ADAMTSL1: variants seen among roughly 807,000 people sequenced by gnomAD.
The protein encoded by ADAMTSL1 is ADAMTS like 1.
In ADAMTSL1, 126 loss-of-function variants were observed where a neutral mutation model predicts 201.8. The ratio of observed to expected loss-of-function variants is 0.62; its 90% CI spans 0.54 to 0.72. The LOEUF is 0.72. ADAMTSL1 is among the 30% of genes least tolerant of loss of function. The pLI is 0.00. For synonymous variants in ADAMTSL1, 1,121 were observed against 903.4 expected (o/e 1.24, Z -4.32); for missense variants, 2,679 against 2,277.8 (o/e 1.18, Z -3.59).
At chr9:18,122,858 C>G (rs1825562135) in intron 1 of ADAMTSL1, among the ~76,000 whole-genome samples, 2 of 152,028 alleles carry the variant, frequency 1.3e-5, no homozygotes. Flanking sequence ...CCCACCTCAG[C>G]CTCTTGAGTA....
chr9:18,292,273 G>A (rs752405979), intron 2 of ADAMTSL1, among the ~76,000 whole-genome samples: 3 of 152,124 alleles, frequency 2.0e-5, no homozygotes, highest in South Asian at 4.1e-4. Flanking sequence ...AGCAGGAGAG[G>A]TGAACAGCAG....
intron 2 of ADAMTSL1, among the ~76,000 whole-genome samples, chr9:18,447,959 A>T (rs1820259366): frequency 6.6e-6 from 1 of 152,192 alleles, no homozygotes; most frequent in Non-Finnish European, 1.5e-5. Context: ...CAAAGCTTTG[A>T]AAACTTTGGA....
In ADAMTSL1 at chr9:18,282,409, T is replaced by A. The variant is rs184565593; in HGVS notation, c.207+118428T>A. 1.1e-4 allele frequency among the ~76,000 whole-genome samples: 16 copies of A among 152,370 alleles called. No individual in the cohort carries two copies. The East Asian group carries it at 3.1e-3, about 29-fold the overall frequency. On this transcript the variant is annotated intron_variant, in intron 2 of 29. Coordinates refer to the ADAMTSL1 transcript ENST00000680146. ...GAGGTATCTTCTTTATATCATGATT[T>A]ATTTTCGTTTGCTATTCATGGGTTA...
intron 1 of ADAMTSL1, among the ~76,000 whole-genome samples, chr9:18,138,348 C>T (rs763809964): frequency 6.6e-6 from 1 of 152,088 alleles, no homozygotes; most frequent in African/African-American, 2.4e-5. Context: ...ATAGATATCT[C>T]CCCAATTATC....
intron 2 of ADAMTSL1, among the ~76,000 whole-genome samples, chr9:18,532,488 T>C (rs1213405412): frequency 6.6e-6 from 1 of 152,058 alleles, no homozygotes; most frequent in Admixed American, 6.6e-5. Context: ...AGAATAATTA[T>C]GGAAAAAATT....
intron 1 of ADAMTSL1, among the ~76,000 whole-genome samples, chr9:17,933,187 T>TG (rs1301698107): frequency 2.6e-5 from 4 of 152,156 alleles, no homozygotes; most frequent in Non-Finnish European, 5.9e-5. Context: ...GAAGGATCTG[T>TG]TCCTTGCTGC....
intron 1 of ADAMTSL1, among the ~76,000 whole-genome samples, chr9:18,095,158 A>G (rs1312019764): frequency 2.0e-5 from 3 of 152,182 alleles, no homozygotes; most frequent in African/African-American, 7.2e-5. Context: ...ATCATAATCT[A>G]TCTTTTAACA....
intron 1 of ADAMTSL1, among the ~76,000 whole-genome samples, chr9:17,969,315 C>A (rs1264498424): frequency 6.6e-6 from 1 of 151,960 alleles, no homozygotes; most frequent in African/African-American, 2.4e-5. Flanking sequence ...AATTTTTAAT[C>A]CTTCCTCAGC....
In ADAMTSL1 at chr9:18,689,149, C is replaced by A. The variant is rs576218186; in HGVS notation, c.1574+4349C>A. ...GAATTGGAACTACAAAGTGGTAGTA[C>A]AATTATATTTGTTAATCAGGTGGAA... On this transcript the variant is annotated intron_variant, in intron 13 of 28. Coordinates refer to ENST00000380548, the MANE Select transcript of ADAMTSL1 (RefSeq NM_001040272.6). 2.0e-5 allele frequency among the ~76,000 whole-genome samples: 3 copies of A among 152,132 alleles called. No homozygotes were observed. The East Asian group carries it at 5.8e-4, about 29-fold the overall frequency.
Position 18,625,286 on chromosome 9 carries a change from T to C in ADAMTSL1, c.601+2917T>C, listed in dbSNP as rs13296632. On this transcript the variant is annotated intron_variant, in intron 5 of 28. Coordinates refer to ENST00000380548, the MANE Select transcript of ADAMTSL1 (RefSeq NM_001040272.6). ...CTTATATCCAAGTTTTTTTTTTTTT[T>C]CCCTTATGTTATCAAGCCTCAGAGG... is the stretch of plus-strand genomic sequence containing the variant. Among the ~76,000 whole-genome samples the C allele has an allele frequency of 7.7e-3, 1,123 of 145,162 alleles. 7 individuals are homozygous for C. The highest frequency in any genetic ancestry group is 0.011 in the Middle Eastern group (3 of 280).
rs797008096 is a variant in ADAMTSL1 at position 18,282,657 on chromosome 9, G to T, written c.207+118676G>T. Among the ~76,000 whole-genome samples the T allele has an allele frequency of 8.8e-4, 134 of 152,280 alleles. 1 individual carries two copies. The highest frequency in any genetic ancestry group is 2.6e-3 in the African/African-American group (110 of 41,562). On this transcript the variant is annotated intron_variant, in intron 2 of 29. Transcript: ENST00000680146. ...TCACGCCTGTAATCCTAGCACTTTGGGAGACAGATGCAGGCAGATCACCTG... is the reference window on the plus strand; with the variant it reads ...TCACGCCTGTAATCCTAGCACTTTGTGAGACAGATGCAGGCAGATCACCTG...
intron 2 of ADAMTSL1, among the ~76,000 whole-genome samples, chr9:18,304,322 C>G (rs1204154662): frequency 6.6e-6 from 1 of 151,304 alleles, no homozygotes; most frequent in Non-Finnish European, 1.5e-5. Context: ...CCTGAGGGGC[C>G]TCAAGGAATA....
chr9:18,539,039 T>C (rs958318817), intron 3 of ADAMTSL1, among the ~76,000 whole-genome samples: 4 of 151,426 alleles, frequency 2.6e-5, no homozygotes, highest in African/African-American at 9.8e-5. Context: ...CTTGGCTCTT[T>C]CCAGCCAAGA....
intron 13 of ADAMTSL1, among the ~76,000 whole-genome samples, chr9:18,687,088 T>C (rs1412229707): frequency 6.6e-6 from 1 of 152,180 alleles, no homozygotes; most frequent in African/African-American, 2.4e-5. Context: ...ATGTATACTA[T>C]TGTGCTCAGA....
chr9:18,657,973 C>CTTT (rs33924965), intron 8 of ADAMTSL1, among the ~76,000 whole-genome samples: 1 of 126,340 alleles, frequency 7.9e-6, no homozygotes, highest in Non-Finnish European at 1.7e-5. Flanking sequence ...AGGAAACAGT[C>CTTT]TTTTTTTTTT....
intron 2 of ADAMTSL1, among the ~76,000 whole-genome samples, chr9:18,215,098 A>G (rs1830014221): frequency 6.6e-6 from 1 of 152,204 alleles, no homozygotes; most frequent in Non-Finnish European, 1.5e-5. Context: ...GGCGATTGGA[A>G]TGGTTAAATT....
chr9:18,893,512 G>A (rs1279374131), intron 26 of ADAMTSL1, among the ~76,000 whole-genome samples: 1 of 152,116 alleles, frequency 6.6e-6, no homozygotes, highest in Non-Finnish European at 1.5e-5. Flanking sequence ...TGAATCACCT[G>A]GGAATCTTAT....
intron 1 of ADAMTSL1, among the ~76,000 whole-genome samples, chr9:17,921,149 A>G (rs1826282921): frequency 6.6e-6 from 1 of 151,974 alleles, no homozygotes; most frequent in South Asian, 2.1e-4. Context: ...AATCTTTTGT[A>G]TTTATTTGTT....
At chr9:18,306,962 C>G (rs7848714) in intron 2 of ADAMTSL1, among the ~76,000 whole-genome samples, 3,575 of 152,248 alleles carry the variant, frequency 0.023, 131 homozygotes, top group African/African-American at 0.082. Context: ...GGGTTACCCA[C>G]AAAGGGAAGC....
Sources: gnomAD v4.1 joint callset for allele counts (sites outside exome capture counted in the v4.1 genomes callset) on GRCh38, gnomAD v4.1.1 for gene constraint, MANE v1.5 for transcripts, NCBI Gene and HGNC (gene_info 2026-07-23, HGNC 2026-07-21) for gene names.